The following PDE3B variants were observed in gnomAD, a reference collection of about 807,000 sequenced individuals.
The protein encoded by PDE3B is cGMP-inhibited 3',5'-cyclic phosphodiesterase 3B.
A neutral mutation model predicts 116.8 loss-of-function variants in PDE3B; 66 were observed. The ratio of observed to expected loss-of-function variants is 0.56; its 90% CI spans 0.46 to 0.69. PDE3B has a LOEUF of 0.69. Ranked by LOEUF, PDE3B falls within the 30% of genes least tolerant of loss-of-function variation. PDE3B has a pLI of 0.00. For synonymous variants in PDE3B, 595 were observed against 533.6 expected, an observed-to-expected ratio of 1.12 and a Z score of -1.59; for missense variants, 1,384 against 1,368.1, an observed-to-expected ratio of 1.01 and a Z score of -0.18.
chr11:14,831,756 A>G lies in PDE3B; in HGVS notation c.2073A>G (p.Lys691=). Reference sequence around the variant, plus strand: ...AACTTGTAGAAAAGATGGGAGAGAAATCAGGAAGGATTCTCAGTCAGGTTT... The same window carrying G: ...AACTTGTAGAAAAGATGGGAGAGAAGTCAGGAAGGATTCTCAGTCAGGTTT... ...IFELVEKMGE[K]SGRILSQVMY... is the part of the protein sequence containing the mutation. Residue 691 remains lysine, a synonymous_variant, in exon 9 of 16, where the codon AAA becomes AAG. Transcript: ENST00000282096. 11 of 1,603,696 alleles carry G rather than the reference A, an allele frequency of 6.9e-6. No individual in the cohort carries two copies. The highest frequency in any genetic ancestry group is 9.4e-6 in the Non-Finnish European group (11 of 1,174,176).
At chr11:14,898,686 C>A in the PDE3B span, among the ~76,000 whole-genome samples, 9 of 152,154 alleles carry the variant, frequency 5.9e-5, no homozygotes, top group Non-Finnish European at 1.5e-5. Context: ...GTACTGACTC[C>A]TGGGGCTATG....
At chr11:14,859,307 A>G in intron 13 of PDE3B, 61 bp downstream of exon 13, 1 of 1,200,456 alleles carries the variant, frequency 8.3e-7, no homozygotes, top group Non-Finnish European at 1.2e-6. Flanking sequence ...TACTGATAAA[A>G]TATGTTTTTT....
intron 1 of PDE3B, among the ~76,000 whole-genome samples, chr11:14,764,473 G>A (rs1857442722): frequency 6.6e-6 from 1 of 152,018 alleles, no homozygotes; most frequent in Admixed American, 6.6e-5. Flanking sequence ...TGAGGCTACC[G>A]CAAAGTTGCT....
chr11:14,787,843 ACT>A (rs1858260790), intron 3 of PDE3B, among the ~76,000 whole-genome samples: 1 of 151,616 alleles, frequency 6.6e-6, no homozygotes, highest in African/African-American at 2.4e-5. Flanking sequence ...TCTATATGTT[ACT>A]CTTTCTTTGC....
chr11:14,644,962 G>T lies in PDE3B; in HGVS notation c.887G>T (p.Ser296Ile), dbSNP rs1853345802. ...GTGATCCGACCCCGGAGGAGGTCCAGCTGCGTGTCGTTAGGAGAAACTGCA... is the reference window on the plus strand; with the variant it reads ...GTGATCCGACCCCGGAGGAGGTCCATCTGCGTGTCGTTAGGAGAAACTGCA... ...VPVIRPRRRSSCVSLGETAAS... is the reference protein window; with the variant it reads ...VPVIRPRRRSICVSLGETAAS... Residue 296 changes from serine to isoleucine, a missense_variant, in exon 1 of 16, where the codon AGC becomes ATC. Around this residue, in one of 2 missense-constraint regions of PDE3B, gnomAD observed 956 missense variants for 806.8 expected, o/e 1.18. Coordinates refer to ENST00000282096, the MANE Select transcript of PDE3B (RefSeq NM_000922.4). The T allele has an allele frequency of 1.2e-6, 2 of 1,614,102 alleles. No individual in the cohort carries two copies. Among genetic ancestry groups the T allele is most frequent in the South Asian group, 1.1e-5 (1 of 91,090 alleles).
intron 1 of PDE3B, among the ~76,000 whole-genome samples, chr11:14,741,200 G>T (rs1315725105): frequency 6.6e-6 from 1 of 152,030 alleles, no homozygotes; most frequent in Admixed American, 6.6e-5. Context: ...TGTCAGTGGG[G>T]TGTTACAGTC....
chr11:14,823,465 A>G (rs1157381620), intron 7 of PDE3B, among the ~76,000 whole-genome samples: 1 of 151,998 alleles, frequency 6.6e-6, no homozygotes, highest in East Asian at 1.9e-4. Context: ...GGAGAGTCCA[A>G]AGTGACTGGG....
At chr11:14,774,943 C>T (rs934944196) in intron 2 of PDE3B, 6 of 152,222 alleles carry the variant, frequency 3.9e-5, no homozygotes, top group Admixed American at 3.9e-4. Flanking sequence ...ACAAGTCAGA[C>T]AGGCTTCTGA....
At chr11:14,886,608 A>G in the PDE3B span, 1 of 152,516 alleles carries the variant, frequency 6.6e-6, no homozygotes, top group Non-Finnish European at 1.5e-5. Context: ...GCCTCACCCC[A>G]GGTTCACTTA....
chr11:14,849,062 C>T, intron 12 of PDE3B, among the ~76,000 whole-genome samples: 1 of 151,922 alleles, frequency 6.6e-6, no homozygotes, highest in Non-Finnish European at 1.5e-5. Flanking sequence ...AAGCTGGAGG[C>T]ATCACGCTAC....
chr11:14,757,176 C>T (rs1857215522), intron 1 of PDE3B, among the ~76,000 whole-genome samples: 1 of 151,856 alleles, frequency 6.6e-6, no homozygotes, highest in African/African-American at 2.4e-5. Flanking sequence ...TGTATATGTG[C>T]CACATTTTCT....
chr11:14,684,322 A>C (rs1210221201), intron 1 of PDE3B, among the ~76,000 whole-genome samples: 1 of 152,166 alleles, frequency 6.6e-6, no homozygotes, highest in Non-Finnish European at 1.5e-5. Flanking sequence ...TATCGGTAGG[A>C]CCATGATGCC....
intron 14 of PDE3B, among the ~76,000 whole-genome samples, chr11:14,866,375 T>C (rs1461699546): frequency 6.6e-6 from 1 of 152,196 alleles, no homozygotes; most frequent in Non-Finnish European, 1.5e-5. Context: ...TTTCTTCAGA[T>C]ATTGATGTAA....
chr11:14,895,638 C>G, the PDE3B span, among the ~76,000 whole-genome samples: 1 of 152,168 alleles, frequency 6.6e-6, no homozygotes, highest in Non-Finnish European at 1.5e-5. Context: ...GCTGGCAGAC[C>G]AGTAGCACTT....
chr11:14,650,571 G>A (rs1405733393), intron 1 of PDE3B, among the ~76,000 whole-genome samples: 1 of 152,158 alleles, frequency 6.6e-6, no homozygotes, highest in African/African-American at 2.4e-5. Context: ...CTGAGTGGGT[G>A]CAGTGTAATC....
In PDE3B at chr11:14,744,244, A is replaced by T. The variant is rs546441655; in HGVS notation, c.979-27693A>T. Among the ~76,000 whole-genome samples the T allele has an allele frequency of 3.3e-5, 5 of 152,006 alleles. No homozygotes were observed. In the East Asian group the frequency reaches 9.7e-4, roughly 29 times the overall value. On this transcript the variant is annotated intron_variant, in intron 1 of 15. Coordinates refer to ENST00000282096, the MANE Select transcript of PDE3B (RefSeq NM_000922.4). The stretch of plus-strand genomic sequence containing the variant: ...TTATACTGTTTCTTTTTTCCTTTCT[A>T]TTCTTTTTTCTTTGATTTGGTTATT...
intron 3 of PDE3B, 107 bp from the exon 4 acceptor site, chr11:14,788,999 A>G (rs1858302028): frequency 2.8e-6 from 2 of 726,060 alleles, no homozygotes; most frequent in Non-Finnish European, 4.3e-6. Flanking sequence ...TTCTCTGTAC[A>G]TGTTAAAAAT....
At chr11:14,873,776 G>A (rs1308040961), downstream of PDE3B, among the ~76,000 whole-genome samples, 1 of 152,172 alleles carries the variant, frequency 6.6e-6, no homozygotes, top group Non-Finnish European at 1.5e-5. Flanking sequence ...CAAAAACTGT[G>A]TGTCATAGTA....
intron 1 of PDE3B, among the ~76,000 whole-genome samples, chr11:14,724,167 A>G (rs1393944588): frequency 6.6e-6 from 1 of 152,210 alleles, no homozygotes; most frequent in East Asian, 1.9e-4. Context: ...AAAGATGGTT[A>G]CAGGATAAAA....
Sources: allele counts gnomAD v4.1 joint callset (sites outside exome capture counted in the v4.1 genomes callset), GRCh38; gene constraint gnomAD v4.1.1; regional missense constraint gnomAD v4.1.1; transcripts MANE v1.5; gene names NCBI Gene and HGNC (gene_info 2026-07-23, HGNC 2026-07-21).